Variants in FGD2 observed in about 807,000 individuals in gnomAD.
FGD2 encodes FYVE, RhoGEF and PH domain-containing protein 2.
A neutral mutation model predicts 75.9 loss-of-function variants in FGD2; 52 were observed. The ratio of observed to expected loss-of-function variants is 0.69; its 90% CI spans 0.55 to 0.86. The LOEUF (loss-of-function observed/expected upper bound fraction) is 0.86. FGD2 is among the 40% of genes least tolerant of loss of function. FGD2 has a pLI of 0.00. For synonymous variants in FGD2, 347 were observed against 348.6 expected, an observed-to-expected ratio of 1.00 and a Z score of 0.05; for missense variants, 790 against 872.0, an observed-to-expected ratio of 0.91 and a Z score of 1.18.
At chr6:37,014,577 C>T in intron 6 of FGD2, 69 bp from the exon 7 acceptor site, 1 of 1,583,908 alleles carries the variant, frequency 6.3e-7, no homozygotes, top group Admixed American at 1.7e-5. Flanking sequence ...TGTTGAACTT[C>T]AAGGACCTCC....
At chr6:37,010,411 GC>G (rs1197714766) in intron 2 of FGD2, among the ~76,000 whole-genome samples, 2 of 152,156 alleles carry the variant, frequency 1.3e-5, no homozygotes, top group Non-Finnish European at 2.9e-5. Flanking sequence ...CTCCTCCAAG[GC>G]CTCATCTCCA....
chr6:37,018,781 T>C (rs934033957), intron 9 of FGD2, among the ~76,000 whole-genome samples: 1 of 152,250 alleles, frequency 6.6e-6, no homozygotes, highest in Non-Finnish European at 1.5e-5. Flanking sequence ...CAGTCAAATG[T>C]CTTGTTCCAA....
chr6:37,027,307 A>C, intron 14 of FGD2, 122 bp from the exon 15 acceptor site: 1 of 1,189,354 alleles, frequency 8.4e-7, no homozygotes, highest in South Asian at 1.7e-5. Context: ...AGCCTCAAGG[A>C]CCAAGGACCC....
chr6:37,016,706 G>A (rs1765318689), intron 9 of FGD2, among the ~76,000 whole-genome samples: 1 of 151,862 alleles, frequency 6.6e-6, no homozygotes, highest in Non-Finnish European at 1.5e-5. Flanking sequence ...GCCAATTTTT[G>A]TATTTTTGGT....
At chr6:37,027,316 C>A (rs893954032) in intron 14 of FGD2, 113 bp from the exon 15 acceptor site, 3 of 1,243,420 alleles carry the variant, frequency 2.4e-6, no homozygotes, top group South Asian at 1.6e-5. Context: ...GACCAAGGAC[C>A]CCTCCATTCA....
At chr6:37,015,702 G>C (rs930645570) in intron 8 of FGD2, 66 bp from the exon 9 acceptor site, 2 of 1,471,516 alleles carry the variant, frequency 1.4e-6, no homozygotes, top group Non-Finnish European at 1.9e-6. Flanking sequence ...CCCACCCTCG[G>C]GGAAACCCCA....
In FGD2 at chr6:37,028,126, GC is replaced by G; in HGVS notation, c.1935del (p.Ser646AlafsTer38). On this transcript the variant is annotated frameshift_variant, in exon 16 of 16. Coordinates refer to ENST00000274963, the MANE Select transcript of FGD2 (RefSeq NM_173558.4). LOFTEE classifies it high-confidence loss of function. ...KAMERAASGW[S>X]PSWPNDGDLS... is the part of the protein sequence containing the mutation. Reference sequence around the variant, plus strand: ...ATGGAGCGGGCGGCCAGTGGCTGGAGCCCCAGCTGGCCCAACGATGGGGACC... The same window carrying G: ...ATGGAGCGGGCGGCCAGTGGCTGGAGCCCAGCTGGCCCAACGATGGGGACC... 1 of 1,605,840 alleles carries G rather than the reference GC, an allele frequency of 6.2e-7. No homozygotes were observed. Among genetic ancestry groups the G allele is most frequent in the Non-Finnish European group, 8.5e-7 (1 of 1,176,338 alleles).
At chr6:37,013,804 C>A (rs1765141584) in intron 5 of FGD2, 39 bp downstream of exon 5, 1 of 1,609,792 alleles carries the variant, frequency 6.2e-7, no homozygotes, top group Non-Finnish European at 8.5e-7. Context: ...ATTGCCACTC[C>A]CAGCATGCAG....
rs112171257 is a variant in FGD2 at position 37,010,557 on chromosome 6, C to T, written c.301-416C>T. 2.2e-3 allele frequency among the ~76,000 whole-genome samples: 341 copies of T among 152,282 alleles called. 1 individual carries two copies. The highest frequency in any genetic ancestry group is 7.7e-3 in the African/African-American group (320 of 41,542). ...CTGGAATGCCCAAGACAGCTCAGCTCGCAAGTCTGGCATCTGGGCAGGGAC... is the reference window on the plus strand; with the variant it reads ...CTGGAATGCCCAAGACAGCTCAGCTTGCAAGTCTGGCATCTGGGCAGGGAC... On this transcript the variant is annotated intron_variant, in intron 2 of 15. Coordinates refer to ENST00000274963, the MANE Select transcript of FGD2 (RefSeq NM_173558.4).
intron 1 of FGD2, among the ~76,000 whole-genome samples, chr6:37,007,995 C>T (rs376762937): frequency 1.4e-3 from 206 of 152,318 alleles, no homozygotes; most frequent in Non-Finnish European, 1.7e-3. Flanking sequence ...AGGAAGCAGT[C>T]GCCTGATTTG....
intron 2 of FGD2, chr6:37,009,502 G>A (rs1470855758): frequency 6.4e-6 from 1 of 156,460 alleles, no homozygotes; most frequent in Non-Finnish European, 1.4e-5. Flanking sequence ...CTCTTCTGTG[G>A]CTTGCAGTTT....
intron 2 of FGD2, 29 bp from the exon 3 acceptor site, chr6:37,010,944 C>A: frequency 6.2e-7 from 1 of 1,609,146 alleles, no homozygotes; most frequent in Non-Finnish European, 8.5e-7. Context: ...CCCCCTTTTT[C>A]TCCTTCTCTC....
chr6:37,023,212 G>A (rs1765675361), intron 13 of FGD2: 1 of 155,010 alleles, frequency 6.5e-6, no homozygotes, highest in Non-Finnish European at 1.5e-5. Context: ...GGCACCTGAT[G>A]GATTCTGTTG....
chr6:37,020,828 A>C lies in FGD2; in HGVS notation c.1233+89A>C, dbSNP rs1009557356. Reference sequence around the variant, plus strand: ...TCTTGGTACTAGACTACCTTGATGAAGCTCCTGGGATTCTCCCTAGCCTAT... The same window carrying C: ...TCTTGGTACTAGACTACCTTGATGACGCTCCTGGGATTCTCCCTAGCCTAT... On this transcript the variant is annotated intron_variant, in intron 11 of 15. Coordinates refer to ENST00000274963, the MANE Select transcript of FGD2 (RefSeq NM_173558.4). 11 of 1,519,302 alleles carry C rather than the reference A, an allele frequency of 7.2e-6. No individual in the cohort carries two copies. The African/African-American group carries it at 1.5e-4, about 21-fold the overall frequency. 94.1% of individuals were successfully genotyped at this position (1,519,302 alleles called of 1,614,324 possible).
chr6:37,025,959 G>C, intron 14 of FGD2, 21 bp downstream of exon 14: 1 of 1,613,016 alleles, frequency 6.2e-7, no homozygotes, highest in Non-Finnish European at 8.5e-7. Flanking sequence ...CTGTCCCCGC[G>C]CTCACCATCC....
chr6:37,018,016 C>T (rs1192289685), intron 9 of FGD2, among the ~76,000 whole-genome samples: 3 of 152,120 alleles, frequency 2.0e-5, no homozygotes, highest in Admixed American at 6.5e-5. Flanking sequence ...TAGACCAGGG[C>T]GTGTGCAGGC....
chr6:37,019,434 T>C (rs1175278026), intron 9 of FGD2, among the ~76,000 whole-genome samples: 14 of 152,216 alleles, frequency 9.2e-5, no homozygotes, highest in Admixed American at 9.2e-4. Context: ...TTGTACTCAG[T>C]GCTGTCTGGG....
chr6:37,026,680 A>T (rs1471824146), intron 14 of FGD2, among the ~76,000 whole-genome samples: 1 of 152,122 alleles, frequency 6.6e-6, no homozygotes, highest in Non-Finnish European at 1.5e-5. Flanking sequence ...AGCCTGTGCC[A>T]GCTGAGATTC....
Position 37,019,199 on chromosome 6 carries a change from T to C in FGD2, c.1123-1342T>C, listed in dbSNP as rs146745510. Among the ~76,000 whole-genome samples the C allele has an allele frequency of 3.2e-4, 49 of 152,348 alleles. 1 individual carries two copies. The East Asian group carries it at 8.5e-3, about 26-fold the overall frequency. On this transcript the variant is annotated intron_variant, in intron 9 of 15. Transcript: ENST00000274963. ...GGGCAGGCCAGGACCATTTATGATG[T>C]TGCTTCCTAACTGGCCTTTGGGCTA...
Sources: allele counts gnomAD v4.1 joint callset (sites outside exome capture counted in the v4.1 genomes callset), GRCh38; gene constraint gnomAD v4.1.1; transcripts MANE v1.5; gene names NCBI Gene and HGNC (gene_info 2026-07-23, HGNC 2026-07-21).